UNC5D: variants seen among roughly 807,000 people sequenced by gnomAD.
UNC5D encodes unc-5 netrin receptor D, also known as netrin receptor UNC5D.
UNC5D carries 39 observed loss-of-function variants against 105.4 expected under a neutral mutation model. The ratio of observed to expected loss-of-function variants is 0.37; its 90% CI spans 0.29 to 0.48. UNC5D has a LOEUF of 0.48. Among genes scored for constraint, UNC5D ranks in the 20% least tolerant of loss-of-function variants. The pLI is 0.98. For missense variants in UNC5D, 991 were observed against 1,202.4 expected, an observed-to-expected ratio of 0.82 and a Z score of 2.60; for synonymous variants, 452 against 450.4, an observed-to-expected ratio of 1.00 and a Z score of -0.04.
chr8:35,692,469 C>A (rs183816444), intron 7 of UNC5D, among the ~76,000 whole-genome samples: 143 of 152,320 alleles, frequency 9.4e-4, no homozygotes, highest in South Asian at 2.5e-3. Flanking sequence ...GATAGCTCTA[C>A]ACATTTAAAA....
intron 1 of UNC5D, among the ~76,000 whole-genome samples, chr8:35,319,980 A>C (rs4341159): frequency 7.2e-5 from 11 of 151,862 alleles, no homozygotes; most frequent in Admixed American, 1.3e-4. Flanking sequence ...GTAGCAGCAA[A>C]GTGTTGACAA....
intron 3 of UNC5D, among the ~76,000 whole-genome samples, chr8:35,589,067 C>G (rs1818983392): frequency 1.3e-5 from 2 of 151,830 alleles, no homozygotes; most frequent in Admixed American, 6.6e-5. Context: ...GATTACCTGC[C>G]AAAACAGGTG....
In UNC5D at chr8:35,549,523, A is replaced by G. The variant is rs1263497406; in HGVS notation, c.322+13A>G. The G allele has an allele frequency of 6.2e-7, 1 of 1,606,356 alleles. No homozygotes were observed. The highest frequency in any genetic ancestry group is 1.1e-5 in the South Asian group (1 of 90,230). ...GACGAGAGCTCAGGTAGGAGCGTGC[A>G]GCAGTCAGAAGCAGCTGTGGTGACT... On this transcript the variant is annotated intron_variant, in intron 2 of 16. Transcript: ENST00000404895.
At chr8:35,677,890 CTGTGTGTGTG>C (rs35785055) in intron 4 of UNC5D, among the ~76,000 whole-genome samples, 2 of 149,252 alleles carry the variant, frequency 1.3e-5, no homozygotes, top group African/African-American at 2.5e-5. Flanking sequence ...GTGTGAGTGT[CTGTGTGTGTG>C]TGTGTGTATG....
intron 1 of UNC5D, among the ~76,000 whole-genome samples, chr8:35,266,715 G>T (rs940749263): frequency 6.6e-6 from 1 of 152,198 alleles, no homozygotes; most frequent in African/African-American, 2.4e-5. Flanking sequence ...GAAGTGACCA[G>T]AATGGTTGGG....
chr8:35,270,522 A>G (rs1385112085), intron 1 of UNC5D, among the ~76,000 whole-genome samples: 2 of 152,176 alleles, frequency 1.3e-5, no homozygotes, highest in East Asian at 3.9e-4. Context: ...TTTCTTTTGA[A>G]TAGTCTTAAT....
chr8:35,358,146 G>T (rs538327577), intron 1 of UNC5D, among the ~76,000 whole-genome samples: 1 of 152,034 alleles, frequency 6.6e-6, no homozygotes, highest in Non-Finnish European at 1.5e-5. Flanking sequence ...CCCATTACTG[G>T]GTATATACCC....
chr8:35,425,823 A>G (rs907457027), intron 1 of UNC5D, among the ~76,000 whole-genome samples: 2 of 152,166 alleles, frequency 1.3e-5, no homozygotes, highest in Non-Finnish European at 2.9e-5. Flanking sequence ...GACATATCAT[A>G]ATTGCACATA....
Position 35,722,267 on chromosome 8 carries a change from C to T in UNC5D, c.1175C>T (p.Ala392Val), listed in dbSNP as rs750581631. The change falls in exon 9 of 17, where the codon GCC becomes GTC. Residue 392 changes from alanine to valine, a missense_variant. By Grantham distance (64) the Ala-to-Val change is moderately conservative (BLOSUM62 0). This residue lies in a region of UNC5D where 944 missense variants were observed against 1,131.6 expected (regional missense o/e 0.83). Coordinates refer to ENST00000404895, the MANE Select transcript of UNC5D (RefSeq NM_080872.4). ...TCGGGCTTGGGTGCTGCCGTCGTGG[C>T]CGTTGCAGTCCTGGTCATTGGTGTC... ...LYSGLGAAVV[A>V]VAVLVIGVTL... 8 of 1,614,026 alleles carry T rather than the reference C, an allele frequency of 5.0e-6. No homozygotes were observed. Among genetic ancestry groups the T allele is most frequent in the East Asian group, 2.2e-5 (1 of 44,894 alleles).
intron 1 of UNC5D, among the ~76,000 whole-genome samples, chr8:35,432,778 C>A (rs890288417): frequency 6.6e-6 from 1 of 152,044 alleles, no homozygotes; most frequent in Non-Finnish European, 1.5e-5. Context: ...TTCAGTTTCC[C>A]AACTCAATTC....
chr8:35,387,769 T>C (rs1585725863), intron 1 of UNC5D, among the ~76,000 whole-genome samples: 1 of 152,256 alleles, frequency 6.6e-6, no homozygotes, highest in South Asian at 2.1e-4. Flanking sequence ...GGAGTACAGG[T>C]ATTTAGAGAG....
At chr8:35,535,341 A>G (rs971904051) in intron 1 of UNC5D, among the ~76,000 whole-genome samples, 24 of 151,942 alleles carry the variant, frequency 1.6e-4, no homozygotes, top group African/African-American at 5.6e-4. Context: ...TGCTGACAGT[A>G]TGCATACCAG....
At chr8:35,643,489 G>A (rs915424357) in intron 4 of UNC5D, among the ~76,000 whole-genome samples, 3 of 152,056 alleles carry the variant, frequency 2.0e-5, no homozygotes, top group Non-Finnish European at 2.9e-5. Context: ...GCTAATTTTT[G>A]TATTTTTAGT....
intron 1 of UNC5D, among the ~76,000 whole-genome samples, chr8:35,494,821 G>T (rs148115332): frequency 6.6e-6 from 1 of 152,106 alleles, no homozygotes; most frequent in South Asian, 2.1e-4. Flanking sequence ...TAATTCTATC[G>T]TGTGAAAAAG....
At chr8:35,667,580 T>G (rs1420784502) in intron 4 of UNC5D, among the ~76,000 whole-genome samples, 1 of 152,160 alleles carries the variant, frequency 6.6e-6, no homozygotes, top group Non-Finnish European at 1.5e-5. Context: ...ATTTGATGAA[T>G]AGCTCATACA....
Position 35,386,398 on chromosome 8 carries a change from C to T in UNC5D, c.103+150511C>T, listed in dbSNP as rs187642933. Reference sequence around the variant, plus strand: ...CAGCCCTGAGAGCCTGCAAATCAATCGGTTGACTTTCTAAAAGTACCTTAT... The same window carrying T: ...CAGCCCTGAGAGCCTGCAAATCAATTGGTTGACTTTCTAAAAGTACCTTAT... On this transcript the variant is annotated intron_variant, in intron 1 of 16. Coordinates refer to ENST00000404895, the MANE Select transcript of UNC5D (RefSeq NM_080872.4). 6.4e-4 allele frequency among the ~76,000 whole-genome samples: 97 copies of T among 152,290 alleles called. 1 individual carries two copies. The highest frequency in any genetic ancestry group is 4.6e-3 in the Admixed American group (71 of 15,298).
intron 1 of UNC5D, among the ~76,000 whole-genome samples, chr8:35,367,562 C>T (rs1332429466): frequency 6.6e-6 from 1 of 151,370 alleles, no homozygotes; most frequent in Non-Finnish European, 1.5e-5. Context: ...CATAATAGAA[C>T]TATTGAACAT....
At position 35,513,300 on chromosome 8, in the gene UNC5D, C is replaced by T. The variant is rs1010914456; in HGVS notation, c.104-35992C>T. On this transcript the variant is annotated intron_variant, in intron 1 of 16. Coordinates refer to ENST00000404895, the MANE Select transcript of UNC5D (RefSeq NM_080872.4). ...CTGAAGTGCAATGGTGCAGTCTCGG[C>T]TCACTGCAACCTCCACCTCCCAGGT... 8.6e-5 allele frequency among the ~76,000 whole-genome samples: 13 copies of T among 150,374 alleles called. 1 individual carries two copies. Among genetic ancestry groups the T allele is most frequent in the African/African-American group, 2.9e-4 (12 of 40,680 alleles).
chr8:35,469,143 A>G (rs1182362564), intron 1 of UNC5D, among the ~76,000 whole-genome samples: 1 of 152,174 alleles, frequency 6.6e-6, no homozygotes, highest in Non-Finnish European at 1.5e-5. Flanking sequence ...AGTTTTATGA[A>G]CGGCATTCAT....
Sources: gnomAD v4.1 joint callset for allele counts (sites outside exome capture counted in the v4.1 genomes callset) on GRCh38, gnomAD v4.1.1 for gene constraint, gnomAD v4.1.1 regional missense constraint, MANE v1.5 for transcripts, NCBI Gene and HGNC (gene_info 2026-07-23, HGNC 2026-07-21) for gene names.